Variants in ANKRD36 observed in about 807,000 individuals in gnomAD.
ANKRD36 encodes the protein ankyrin repeat domain 36.
ANKRD36 carries 179 observed loss-of-function variants against 278.1 expected under a neutral mutation model. The observed-to-expected ratio is 0.64, with a 90% CI of 0.57 to 0.73. The LOEUF (loss-of-function observed/expected upper bound fraction) is 0.73, where lower values mean the gene tolerates loss of function less well. Among genes scored for constraint, ANKRD36 ranks in the 30% least tolerant of loss-of-function variants. The probability of loss-of-function intolerance (pLI) is 0.00; values close to 1 mark genes in which losing one functional copy is unlikely to be tolerated. For synonymous variants in ANKRD36, 320 were observed against 641.1 expected (o/e 0.50, Z 7.57); for missense variants, 1,159 against 1,956.7 (o/e 0.59, Z 7.69).
chr2:97,190,149 T>C lies in ANKRD36; in HGVS notation c.2246-829T>C. On this transcript the variant is annotated intron_variant, in intron 34 of 75. Transcript: ENST00000420699. ...GGCTATTTTAGAAACAAAAATTATG[T>C]TGAATTCTAATTAACTCCTAAAATG... Among the ~76,000 whole-genome samples, 3 of 90,636 alleles carry C rather than the reference T, an allele frequency of 3.3e-5. 1 individual carries two copies. The South Asian group carries it at 7.4e-4, about 23-fold the overall frequency. 59.5% of individuals were successfully genotyped at this position (90,636 alleles called of 152,430 possible).
At position 97,146,530 on chromosome 2, in the gene ANKRD36, G is replaced by T; in HGVS notation, c.1034+14G>T. ...GTGTTTAAACAGGTATGATTTTACA[G>T]ATTTTTTAAAGTGATATGTTAACTT... On this transcript the variant is annotated intron_variant, in intron 11 of 75. Coordinates refer to ENST00000420699, the MANE Select transcript of ANKRD36 (RefSeq NM_001354587.1). 2 of 1,510,728 alleles carry T rather than the reference G, an allele frequency of 1.3e-6. No individual in the cohort carries two copies. The highest frequency in any genetic ancestry group is 1.8e-6 in the Non-Finnish European group (2 of 1,132,096). The allele number at this position is 1,510,728 out of a possible 1,614,324, so 93.6% of individuals were successfully genotyped here.
intron 67 of ANKRD36, among the ~76,000 whole-genome samples, chr2:97,227,099 A>G (rs7561902): frequency 6.6e-6 from 1 of 152,104 alleles, no homozygotes; most frequent in Admixed American, 6.6e-5. Context: ...GGATTGACTT[A>G]GTGATGCGGG....
intron 67 of ANKRD36, among the ~76,000 whole-genome samples, chr2:97,228,808 A>G (rs1187662955): frequency 3.3e-5 from 5 of 151,668 alleles, no homozygotes; most frequent in Non-Finnish European, 7.4e-5. Flanking sequence ...ACTGCTTTGA[A>G]TGTGTCCCAG....
At chr2:97,124,689 A>G in intron 5 of ANKRD36, 92 bp downstream of exon 5, 3 of 1,418,476 alleles carry the variant, frequency 2.1e-6, no homozygotes, top group Non-Finnish European at 2.8e-6. Context: ...GAGATTTCAT[A>G]GTTTGGTTCA....
At chr2:97,206,874 G>A (rs2063002885) in intron 52 of ANKRD36, among the ~76,000 whole-genome samples, 1 of 151,320 alleles carries the variant, frequency 6.6e-6, no homozygotes, top group Non-Finnish European at 1.5e-5. Context: ...GAATACATTG[G>A]TTTCCTTGTT....
chr2:97,190,854 A>G, intron 34 of ANKRD36, 124 bp from the exon 35 acceptor site: 2 of 1,407,720 alleles, frequency 1.4e-6, no homozygotes, highest in South Asian at 2.5e-5. Flanking sequence ...GACAAAGTAG[A>G]AGACATCAGA....
intron 60 of ANKRD36, among the ~76,000 whole-genome samples, chr2:97,213,921 G>T (rs1186323365): frequency 6.6e-6 from 1 of 151,784 alleles, no homozygotes; most frequent in East Asian, 2.0e-4. Flanking sequence ...TTTTCAATAA[G>T]GGTAGAAGGA....
At chr2:97,149,110 T>C (rs910386114) in intron 11 of ANKRD36, among the ~76,000 whole-genome samples, 185 bp from the exon 12 acceptor site, 1 of 151,850 alleles carries the variant, frequency 6.6e-6, no homozygotes, top group Non-Finnish European at 1.5e-5. Flanking sequence ...AACTGAAATG[T>C]TTTCTAAAAT....
At position 97,205,968 on chromosome 2, in the gene ANKRD36, G is replaced by T. The variant is rs774857956; in HGVS notation, c.3090G>T (p.Lys1030Asn). Residue 1030 changes from lysine to asparagine, a missense_variant and splice_region_variant, in exon 51 of 76, where the codon AAG becomes AAT. Lys to Asn is a moderately conservative substitution (Grantham distance 94). Transcript: ENST00000420699. ...CTTCTCAGAAACCACCAACCTTGAAGGTAATGAAACTCCCATTTATATTGT... is the reference window on the plus strand; with the variant it reads ...CTTCTCAGAAACCACCAACCTTGAATGTAATGAAACTCCCATTTATATTGT... The part of the protein sequence containing the change: ...TVSSQKPPTL[K>N]ATSDEEDSVL... 1.3e-6 allele frequency: 2 copies of T among 1,555,656 alleles called. No homozygotes were observed. Among genetic ancestry groups the T allele is most frequent in the Admixed American group, 1.9e-5 (1 of 53,452 alleles).
rs1421809211 is a variant in ANKRD36 at position 97,149,289 on chromosome 2, C to T, written c.1035-6C>T. On this transcript the variant is annotated splice_region_variant and splice_polypyrimidine_tract_variant and intron_variant, in intron 11 of 75. Coordinates refer to ENST00000420699, the MANE Select transcript of ANKRD36 (RefSeq NM_001354587.1). ...CTCATTTTTGTAATATCTTTTTGCT[C>T]TGTAGGAGTCTCTACAGACCTGATG... 7.8e-6 allele frequency: 12 copies of T among 1,532,858 alleles called. No individual in the cohort carries two copies. The highest frequency in any genetic ancestry group is 9.6e-6 in the Non-Finnish European group (11 of 1,144,638). The allele number at this position is 1,532,858 out of a possible 1,614,324, so 95.0% of individuals were successfully genotyped here.
At chr2:97,204,399 A>C in intron 50 of ANKRD36, 136 bp downstream of exon 50, 1 of 1,169,790 alleles carries the variant, frequency 8.5e-7, no homozygotes. Flanking sequence ...ATTTCAAATA[A>C]GTTCTTGGGT....
chr2:97,230,537 G>A (rs1381089499), intron 67 of ANKRD36, among the ~76,000 whole-genome samples: 176 of 152,080 alleles, frequency 1.2e-3, no homozygotes, highest in Non-Finnish European at 1.1e-3. Context: ...GTATACATTC[G>A]TCTAAATTTT....
At chr2:97,159,744 AAATT>A (rs1329237229) in intron 17 of ANKRD36, among the ~76,000 whole-genome samples, 25 of 150,548 alleles carry the variant, frequency 1.7e-4, no homozygotes, top group African/African-American at 2.4e-4. Context: ...AAAATAATAA[AAATT>A]AATTAATACA....
intron 6 of ANKRD36, among the ~76,000 whole-genome samples, chr2:97,131,087 A>C (rs1438260234): frequency 2.0e-5 from 3 of 152,078 alleles, no homozygotes; most frequent in Admixed American, 2.0e-4. Flanking sequence ...AATGTAAAAC[A>C]CTTTTCTGGT....
Position 97,124,506 on chromosome 2 carries a change from A to G in ANKRD36, c.640A>G (p.Ile214Val). 1 of 1,552,412 alleles carries G rather than the reference A, an allele frequency of 6.4e-7. No individual in the cohort carries two copies. Among genetic ancestry groups the G allele is most frequent in the Non-Finnish European group, 8.7e-7 (1 of 1,147,096 alleles). ...AVTLGEKDIV[I>V]LLLQHNIDVL... ...TACTCTTGGAGAAAAAGATATAGTC[A>G]TTCTTCTTCTGCAGCACAATATTGA... Residue 214 changes from isoleucine (I) to valine (V), a missense_variant, in exon 5 of 76, where the codon ATT becomes GTT. Physicochemically the swap from Ile to Val is conservative, Grantham distance 29 (BLOSUM62 3). Transcript: ENST00000420699.
At position 97,233,738 on chromosome 2, in the gene ANKRD36, C is replaced by G; in HGVS notation, c.3960C>G (p.Asn1320Lys). The G allele has an allele frequency of 6.8e-7, 1 of 1,468,176 alleles. No homozygotes were observed. The highest frequency in any genetic ancestry group is 9.0e-7 in the Non-Finnish European group (1 of 1,109,466). The allele number at this position is 1,468,176 out of a possible 1,614,324, so 90.9% of individuals were successfully genotyped here. A position where few individuals can be genotyped will look rare whatever the true frequency, so the allele number is the denominator to read the frequency against. Residue 1320 changes from asparagine (N) to lysine (K), a missense_variant, in exon 68 of 76, where the codon AAC (asparagine) becomes AAG (lysine). Coordinates refer to ENST00000420699, the MANE Select transcript of ANKRD36 (RefSeq NM_001354587.1). ...TGTTATTTATTTTGTAGGTGAAAAA[C>G]CAAATACATTCTAGGGATGACCTTG... ...EYENNQPQVKNQIHSRDDLDD... is the reference protein window; with the variant it reads ...EYENNQPQVKKQIHSRDDLDD...
At position 97,196,721 on chromosome 2, in the gene ANKRD36, A is replaced by C. The variant is rs1178835672; in HGVS notation, c.2586A>C (p.Thr862=). ...TCGTTTCAAATTCCATTCAGGGTAC[A>C]AGTGACGAGGAAGATTCTGTTTTGG... The part of the protein sequence containing the change: ...SSQKPPTLKG[T]SDEEDSVLGI... The change falls in exon 42 of 76, where the codon ACA becomes ACC. Residue 862 remains threonine (T), a synonymous_variant. Transcript: ENST00000420699. 3 of 1,562,756 alleles carry C rather than the reference A, an allele frequency of 1.9e-6. No homozygotes were observed. The highest frequency in any genetic ancestry group is 1.9e-5 in the Admixed American group (1 of 52,198).
intron 17 of ANKRD36, among the ~76,000 whole-genome samples, chr2:97,159,789 A>ATT: frequency 7.5e-6 from 1 of 133,116 alleles, no homozygotes; most frequent in South Asian, 2.5e-4. Flanking sequence ...TTTCTGGTTA[A>ATT]TTTTTTTTTT....
Position 97,122,914 on chromosome 2 carries a change from G to A in ANKRD36, c.514G>A (p.Val172Met). 6.5e-7 allele frequency: 1 copy of A among 1,543,652 alleles called. No individual in the cohort carries two copies. Among genetic ancestry groups the A allele is most frequent in the Non-Finnish European group, 8.8e-7 (1 of 1,142,594 alleles). Residue 172 changes from valine (V) to methionine (M), a missense_variant, in exon 4 of 76, where the codon GTG becomes ATG. Val to Met is a conservative substitution (Grantham distance 21). Coordinates refer to ENST00000420699, the MANE Select transcript of ANKRD36 (RefSeq NM_001354587.1). ...KCEYQPLLFA[V>M]SRRKVKMVEF... is the part of the protein sequence containing the mutation. ...TGAATATCAGCCACTGTTATTTGCT[G>A]TGAGTCGAAGAAAAGTGAAAATGGT...
Sources: gnomAD v4.1 joint callset for allele counts (sites outside exome capture counted in the v4.1 genomes callset) on GRCh38, gnomAD v4.1.1 for gene constraint, MANE v1.5 for transcripts, NCBI Gene and HGNC (gene_info 2026-07-23, HGNC 2026-07-21) for gene names.